The following BRINP1 variants were observed in gnomAD, a reference collection of about 807,000 sequenced individuals.
BRINP1 encodes the protein BMP/retinoic acid-inducible neural-specific protein 1.
Under a neutral mutation model 72.9 loss-of-function variants are expected in BRINP1, and 17 were observed. That is an observed-to-expected ratio of 0.23 (90% CI 0.16 to 0.35). The LOEUF (loss-of-function observed/expected upper bound fraction) is 0.35. Ranked by LOEUF, BRINP1 falls within the 10% of genes least tolerant of loss-of-function variation. The pLI is 1.00. For synonymous variants in BRINP1, 418 were observed against 378.5 expected, an observed-to-expected ratio of 1.10 and a Z score of -1.21; for missense variants, 850 against 1,001.6, an observed-to-expected ratio of 0.85 and a Z score of 2.04.
At chr9:119,359,478 A>G (rs1831607501) in intron 1 of BRINP1, among the ~76,000 whole-genome samples, 1 of 152,242 alleles carries the variant, frequency 6.6e-6, no homozygotes, top group Non-Finnish European at 1.5e-5. Context: ...CTGGGATTGC[A>G]GGTGTGAGCC....
chr9:119,242,866 T>G lies in BRINP1; in HGVS notation c.410-650A>C, dbSNP rs192374111. Among the ~76,000 whole-genome samples the G allele has an allele frequency of 1.1e-3, 164 of 152,344 alleles. 1 individual carries two copies. Among genetic ancestry groups the G allele is most frequent in the African/African-American group, 3.8e-3 (157 of 41,594 alleles). On this transcript the variant is annotated intron_variant, in intron 3 of 7. Coordinates refer to ENST00000265922, the MANE Select transcript of BRINP1 (RefSeq NM_014618.3). ...CATAGATCAGTAACACTGCTAACTA[T>G]GATGACTTTTAATTTGGGTAAAGAA...
At chr9:119,366,203 G>C (rs1587975262) in intron 1 of BRINP1, among the ~76,000 whole-genome samples, 2 of 152,112 alleles carry the variant, frequency 1.3e-5, no homozygotes, top group African/African-American at 2.4e-5. Context: ...ACCTATGCAT[G>C]TGTGCTTGCA....
chr9:119,301,216 A>G (rs1326143870), intron 2 of BRINP1, among the ~76,000 whole-genome samples: 1 of 152,182 alleles, frequency 6.6e-6, no homozygotes, highest in Admixed American at 6.5e-5. Flanking sequence ...GGCTCCCCAT[A>G]TTAATGAAAA....
intron 5 of BRINP1, among the ~76,000 whole-genome samples, chr9:119,234,587 T>G (rs1830176501): frequency 6.6e-6 from 1 of 152,204 alleles, no homozygotes; most frequent in Admixed American, 6.5e-5. Context: ...CATATTCTTA[T>G]AATATTAATA....
At chr9:119,208,604 G>C in intron 7 of BRINP1, 115 bp downstream of exon 7, 1 of 1,038,530 alleles carries the variant, frequency 9.6e-7, no homozygotes, top group Non-Finnish European at 1.4e-6. Context: ...ACCATGCGAG[G>C]TCCTGTTTGC....
intron 5 of BRINP1, among the ~76,000 whole-genome samples, chr9:119,231,023 A>G (rs1216716517): frequency 6.6e-6 from 1 of 152,092 alleles, no homozygotes; most frequent in Non-Finnish European, 1.5e-5. Flanking sequence ...ATGACATTGA[A>G]TCTACAAATC....
intron 5 of BRINP1, among the ~76,000 whole-genome samples, chr9:119,233,322 T>C (rs542544854): frequency 6.6e-6 from 1 of 152,272 alleles, no homozygotes; most frequent in East Asian, 1.9e-4. Context: ...ATGTTATTTA[T>C]GCCTTCTTCA....
chr9:119,215,939 A>G (rs544978034), intron 5 of BRINP1, among the ~76,000 whole-genome samples: 1 of 152,344 alleles, frequency 6.6e-6, no homozygotes, highest in South Asian at 2.1e-4. Context: ...CAAAATATTC[A>G]GCCTGCCTGT....
At chr9:119,338,278 C>CTT (rs755641554) in intron 1 of BRINP1, among the ~76,000 whole-genome samples, 9 of 134,072 alleles carry the variant, frequency 6.7e-5, no homozygotes, top group Non-Finnish European at 9.7e-5. Flanking sequence ...TTAGATTGGG[C>CTT]TTTTTTTTTT....
intron 1 of BRINP1, among the ~76,000 whole-genome samples, chr9:119,355,499 T>TGGGCGAATC (rs1388425546): frequency 6.6e-6 from 1 of 151,926 alleles, no homozygotes; most frequent in Non-Finnish European, 1.5e-5. Flanking sequence ...GAGGCCAAGG[T>TGGGCGAATC]GGGCGAATCA....
intron 2 of BRINP1, among the ~76,000 whole-genome samples, chr9:119,281,413 T>C (rs1830710367): frequency 7.7e-6 from 1 of 129,034 alleles, no homozygotes; most frequent in Admixed American, 1.0e-4. Context: ...ACTTAGGCAG[T>C]GTGTATGAGA....
In BRINP1 at chr9:119,242,840, A is replaced by G. The variant is rs1459517972; in HGVS notation, c.410-624T>C. Among the ~76,000 whole-genome samples, 5 of 152,222 alleles carry G rather than the reference A, an allele frequency of 3.3e-5. No homozygotes were observed. The East Asian group carries it at 7.7e-4, about 23-fold the overall frequency. ...TTTTAAGTTTTTCTTAGACATGCACACATAGATCAGTAACACTGCTAACTA... is the reference window on the plus strand; with the variant it reads ...TTTTAAGTTTTTCTTAGACATGCACGCATAGATCAGTAACACTGCTAACTA... On this transcript the variant is annotated intron_variant, in intron 3 of 7. Coordinates refer to ENST00000265922, the MANE Select transcript of BRINP1 (RefSeq NM_014618.3).
At chr9:119,248,401 C>G (rs1297002611) in intron 3 of BRINP1, among the ~76,000 whole-genome samples, 1 of 152,192 alleles carries the variant, frequency 6.6e-6, no homozygotes, top group Non-Finnish European at 1.5e-5. Context: ...CATTTATTTC[C>G]TCTCCTTTAT....
intron 2 of BRINP1, among the ~76,000 whole-genome samples, chr9:119,279,299 A>C (rs868283502): frequency 6.6e-5 from 10 of 152,112 alleles, no homozygotes; most frequent in Non-Finnish European, 1.0e-4. Context: ...GTAAACTTCC[A>C]CTCCTTTAGA....
intron 2 of BRINP1, among the ~76,000 whole-genome samples, chr9:119,260,259 A>T (rs1830483777): frequency 6.6e-6 from 1 of 152,206 alleles, no homozygotes; most frequent in Non-Finnish European, 1.5e-5. Context: ...CCATTTTGCA[A>T]ATAAATTTTT....
At chr9:119,336,293 GCCT>G (rs918962611) in intron 1 of BRINP1, among the ~76,000 whole-genome samples, 7 of 152,168 alleles carry the variant, frequency 4.6e-5, no homozygotes, top group Admixed American at 1.3e-4. Flanking sequence ...ACATCTTCAT[GCCT>G]CCTCCTGCAT....
intron 2 of BRINP1, among the ~76,000 whole-genome samples, chr9:119,279,457 G>A (rs932341926): frequency 6.6e-6 from 1 of 152,210 alleles, no homozygotes; most frequent in African/African-American, 2.4e-5. Flanking sequence ...TCCCTTAAGA[G>A]AGTTGAGCTC....
intron 5 of BRINP1, among the ~76,000 whole-genome samples, chr9:119,237,818 C>T (rs1203393616): frequency 2.0e-5 from 3 of 151,788 alleles, no homozygotes; most frequent in African/African-American, 7.3e-5. Context: ...CACACCACCG[C>T]GCCCAGCTAA....
chr9:119,209,964 T>A (rs1266932652), intron 6 of BRINP1, among the ~76,000 whole-genome samples: 1 of 152,214 alleles, frequency 6.6e-6, no homozygotes, highest in Non-Finnish European at 1.5e-5. Flanking sequence ...CTCTTGGGCC[T>A]CCCAGGTAAA....
Sources: allele counts gnomAD v4.1 joint callset (sites outside exome capture counted in the v4.1 genomes callset), GRCh38; gene constraint gnomAD v4.1.1; transcripts MANE v1.5; gene names NCBI Gene and HGNC (gene_info 2026-07-23, HGNC 2026-07-21).